RYR2: variants seen among roughly 807,000 people sequenced by gnomAD.
RYR2 encodes ryanodine receptor 2.
Under a neutral mutation model 601.1 loss-of-function variants are expected in RYR2, and 227 were observed. The observed-to-expected ratio is 0.38, with a 90% confidence interval of 0.34 to 0.42. The LOEUF (loss-of-function observed/expected upper bound fraction) is 0.42, where lower values mean the gene tolerates loss of function less well. Ranked by LOEUF, RYR2 falls within the 10% of genes least tolerant of loss-of-function variation. The probability of loss-of-function intolerance (pLI) is 1.00; values close to 1 mark genes in which losing one functional copy is unlikely to be tolerated. For missense variants in RYR2, 4,646 were observed against 6,156.5 expected (o/e 0.75, Z 8.21); for synonymous variants, 2,223 against 2,175.1 (o/e 1.02, Z -0.61).
chr1:237,214,470 G>A (rs557451034), intron 1 of RYR2, among the ~76,000 whole-genome samples: 77 of 152,222 alleles, frequency 5.1e-4, no homozygotes, highest in African/African-American at 1.8e-3. Context: ...CATGGAGAGA[G>A]GAAGGAAATG....
rs373110998 is a variant in RYR2 at position 237,639,164 on chromosome 1, G to A, written c.7078G>A (p.Asp2360Asn). The change falls in exon 46 of 105, where the codon GAT becomes AAT. Residue 2360 changes from aspartate to asparagine, a missense_variant. Asp to Asn is a conservative substitution (Grantham distance 23, BLOSUM62 1). Around this residue, in one of 17 missense-constraint regions of RYR2, gnomAD observed 1,497 missense variants for 1,842.6 expected, o/e 0.81. Transcript: ENST00000366574. ...CAAAATCGCCGAGGATCCTTCCCGA[G>A]ATGGTCCCTCACCAAATAGCGGATC... ...AIKIAEDPSR[D>N]GPSPNSGSSK... 4.3e-6 allele frequency: 7 copies of A among 1,613,686 alleles called. No homozygotes were observed. The highest frequency in any genetic ancestry group is 5.9e-6 in the Non-Finnish European group (7 of 1,179,804).
rs79660660 is a variant in RYR2, at chr1:237,614,811, C to A, written c.5683C>A (p.Gln1895Lys). 6.3e-7 allele frequency: 1 copy of A among 1,589,482 alleles called. No individual in the cohort carries two copies. The highest frequency in any genetic ancestry group is 8.6e-7 in the Non-Finnish European group (1 of 1,168,308). ...CAAGCGGCCCAAGGAAGGCCTGCTCCAAATGAAACTGCCAGAGCCAGTTAA... is the reference window on the plus strand; with the variant it reads ...CAAGCGGCCCAAGGAAGGCCTGCTCAAAATGAAACTGCCAGAGCCAGTTAA... ...GGKRPKEGLL[Q>K]MKLPEPVKLQ... is the part of the protein sequence containing the mutation. The change falls in exon 37 of 105, where the codon CAA becomes AAA. Residue 1895 changes from glutamine to lysine, a missense_variant. Coordinates refer to ENST00000366574, the MANE Select transcript of RYR2 (RefSeq NM_001035.3). The surrounding 1 kb of genome is among the most constrained non-coding windows in gnomAD (Gnocchi z 4.3).
At chr1:237,407,340 TAA>T (rs111534007) in intron 10 of RYR2, among the ~76,000 whole-genome samples, 5,844 of 152,280 alleles carry the variant, frequency 0.038, 330 homozygotes, top group African/African-American at 0.13. Context: ...AATCCTATGG[TAA>T]GAGTATGTTT....
intron 1 of RYR2, among the ~76,000 whole-genome samples, chr1:237,221,785 G>A (rs1348701538): frequency 1.3e-5 from 2 of 152,134 alleles, no homozygotes; most frequent in Non-Finnish European, 2.9e-5. Context: ...TATTCTGGGT[G>A]GTGGTCAACA....
At chr1:237,350,633 A>ATATATATC (rs1324840834) in intron 3 of RYR2, among the ~76,000 whole-genome samples, 14 of 92,372 alleles carry the variant, frequency 1.5e-4, no homozygotes, top group East Asian at 4.0e-4. Context: ...ATATATATAT[A>ATATATATC]TCTCTGACCT....
Position 237,159,012 on chromosome 1 carries a change from G to A in RYR2, c.49-111485G>A, listed in dbSNP as rs117267298. Among the ~76,000 whole-genome samples, 54 of 152,350 alleles carry A rather than the reference G, an allele frequency of 3.5e-4. No individual in the cohort carries two copies. The East Asian group carries it at 9.4e-3, about 27-fold the overall frequency. ...GTTAGAAAGTTATGAGTAAGGCCAG[G>A]CGCAGTGGCTCACGCCTATTACATA... On this transcript the variant is annotated intron_variant, in intron 1 of 104. Coordinates refer to ENST00000366574, the MANE Select transcript of RYR2 (RefSeq NM_001035.3).
At chr1:237,384,686 G>A (rs1701825969) in intron 8 of RYR2, among the ~76,000 whole-genome samples, 1 of 152,170 alleles carries the variant, frequency 6.6e-6, no homozygotes, top group Non-Finnish European at 1.5e-5. Context: ...GTAGACACTT[G>A]TTTGGGGACA....
intron 1 of RYR2, among the ~76,000 whole-genome samples, chr1:237,109,991 A>T (rs1006629988): frequency 6.6e-6 from 1 of 152,074 alleles, no homozygotes; most frequent in Admixed American, 6.5e-5. Flanking sequence ...TGTACCCCCT[A>T]TGCTAAGCTG....
intron 1 of RYR2, among the ~76,000 whole-genome samples, chr1:237,207,821 G>T (rs1681988656): frequency 6.6e-6 from 1 of 152,206 alleles, no homozygotes; most frequent in Admixed American, 6.5e-5. Context: ...ATAGTATTAG[G>T]TTGGTGCAAA....
In RYR2 at chr1:237,655,906, A is replaced by G. The variant is rs1683200375; in HGVS notation, c.8051A>G (p.Asn2684Ser). 1.9e-6 allele frequency: 3 copies of G among 1,612,670 alleles called. No individual in the cohort carries two copies. The highest frequency in any genetic ancestry group is 2.5e-6 in the Non-Finnish European group (3 of 1,179,286). ...GALPPDYMESNYVSMMEKQSS... is the reference protein window; with the variant it reads ...GALPPDYMESSYVSMMEKQSS... Reference sequence around the variant, plus strand: ...TTGCCTCCAGACTACATGGAGTCAAATTATGTCAGTATGATGGAAAAACAG... The same window carrying G: ...TTGCCTCCAGACTACATGGAGTCAAGTTATGTCAGTATGATGGAAAAACAG... The change falls in exon 53 of 105, where the codon AAT becomes AGT. Residue 2684 changes from asparagine (N) to serine (S), a missense_variant. Asn to Ser is a conservative substitution (Grantham distance 46). Coordinates refer to ENST00000366574, the MANE Select transcript of RYR2 (RefSeq NM_001035.3).
At chr1:237,623,724 T>C (rs1386385211) in intron 38 of RYR2, 41 bp from the exon 39 acceptor site, 1 of 1,343,758 alleles carries the variant, frequency 7.4e-7, no homozygotes, top group Admixed American at 1.7e-5. Context: ...ACCTTTCTTT[T>C]CTTCCTCCTT....
chr1:237,743,793 T>G (rs1339446994), intron 80 of RYR2, among the ~76,000 whole-genome samples: 1 of 152,252 alleles, frequency 6.6e-6, no homozygotes, highest in African/African-American at 2.4e-5. Flanking sequence ...TCCCTTCCTT[T>G]GACACAAGTT....
intron 101 of RYR2, among the ~76,000 whole-genome samples, chr1:237,820,184 TCTC>T (rs1438084112): frequency 1.3e-5 from 1 of 74,198 alleles, no homozygotes; most frequent in Admixed American, 1.9e-4. Flanking sequence ...CAAAACTCCA[TCTC>T]AAAAAAAAAA....
chr1:237,292,909 A>G (rs1287581792), intron 2 of RYR2, among the ~76,000 whole-genome samples: 2 of 152,114 alleles, frequency 1.3e-5, no homozygotes, highest in Non-Finnish European at 2.9e-5. Context: ...AGTACTTACT[A>G]AAGTCTCTTA....
At chr1:237,420,515 G>A (rs1264492406) in intron 11 of RYR2, among the ~76,000 whole-genome samples, 1 of 149,560 alleles carries the variant, frequency 6.7e-6, no homozygotes, top group Non-Finnish European at 1.5e-5. Flanking sequence ...TGATTTTCTT[G>A]CCTTGCCCTC....
Position 237,694,030 on chromosome 1 carries a change from C to T in RYR2, c.9068-4935C>T, listed in dbSNP as rs565844764. 4.6e-5 allele frequency among the ~76,000 whole-genome samples: 7 copies of T among 152,266 alleles called. 1 individual carries two copies. In the South Asian group the frequency reaches 8.3e-4, roughly 18 times the overall value. ...GAAAAATTGGCCGGGTGCGGTGGCT[C>T]ACGCCTGTAATCCCAGCACTCTGGG... On this transcript the variant is annotated intron_variant, in intron 63 of 104. Coordinates refer to ENST00000366574, the MANE Select transcript of RYR2 (RefSeq NM_001035.3).
At chr1:237,437,353 C>T (rs1005855438) in intron 12 of RYR2, among the ~76,000 whole-genome samples, 5 of 152,162 alleles carry the variant, frequency 3.3e-5, no homozygotes, top group Non-Finnish European at 5.9e-5. Flanking sequence ...CGCCCAGCCA[C>T]ATCTGGGTCT....
intron 2 of RYR2, among the ~76,000 whole-genome samples, chr1:237,296,850 TA>T (rs1692830023): frequency 6.6e-6 from 1 of 152,134 alleles, no homozygotes; most frequent in South Asian, 2.1e-4. Context: ...TCTAAAAAGA[TA>T]AAAATCTTTC....
chr1:237,720,660 C>G (rs1054587142), intron 73 of RYR2, among the ~76,000 whole-genome samples: 1 of 152,118 alleles, frequency 6.6e-6, no homozygotes, highest in Admixed American at 6.5e-5. Context: ...ATCAGGTACC[C>G]CATGAAAGGG....
Sources: allele counts gnomAD v4.1 joint callset (sites outside exome capture counted in the v4.1 genomes callset), GRCh38; gene constraint gnomAD v4.1.1; regional missense constraint gnomAD v4.1.1; non-coding constraint Gnocchi (gnomAD v3.1); transcripts MANE v1.5; gene names NCBI Gene and HGNC (gene_info 2026-07-23, HGNC 2026-07-21).